Variants in NPHP4 observed in about 807,000 individuals in gnomAD.
The protein encoded by NPHP4 is nephrocystin-4.
NPHP4 carries 151 observed loss-of-function variants against 155.8 expected under a neutral mutation model. That is an observed-to-expected ratio of 0.97 (90% CI 0.85 to 1.11). The LOEUF is 1.11. Among genes scored for constraint, NPHP4 ranks in the 50% least tolerant of loss-of-function variants. The pLI, the probability that NPHP4 is intolerant of heterozygous loss-of-function variation, is 0.00. For missense variants in NPHP4, 1,956 were observed against 1,925.7 expected, an observed-to-expected ratio of 1.02 and a Z score of -0.29; for synonymous variants, 845 against 816.8, an observed-to-expected ratio of 1.03 and a Z score of -0.59.
chr1:5,948,019 C>G (rs911579826), intron 8 of NPHP4, 51 bp downstream of exon 8: 3 of 1,409,782 alleles, frequency 2.1e-6, no homozygotes, highest in Non-Finnish European at 2.0e-6. Context: ...CTCATTTCAT[C>G]GTGATCCCTT....
intron 2 of NPHP4, among the ~76,000 whole-genome samples, chr1:5,981,554 T>C (rs1384710215): frequency 1.3e-5 from 2 of 152,210 alleles, no homozygotes; most frequent in African/African-American, 4.8e-5. Flanking sequence ...AACAAGCATG[T>C]AATATTCTTC....
rs1010352007 is a variant in NPHP4, at chr1:5,947,293, C to T, written c.993-63G>A. 2.0e-5 allele frequency: 31 copies of T among 1,582,772 alleles called. No individual in the cohort carries two copies. In the East Asian group the frequency reaches 3.4e-4, roughly 17 times the overall value. ...CGAGCTCCCATCCTTCCCGCATCCACGTCGACCACTGTCAGAACAGTCAAG... is the reference window on the plus strand; with the variant it reads ...CGAGCTCCCATCCTTCCCGCATCCATGTCGACCACTGTCAGAACAGTCAAG... On this transcript the variant is annotated intron_variant, in intron 8 of 29. Transcript: ENST00000378156.
At chr1:5,946,027 T>C (rs917478840) in intron 9 of NPHP4, among the ~76,000 whole-genome samples, 3 of 152,314 alleles carry the variant, frequency 2.0e-5, no homozygotes, top group South Asian at 2.1e-4. Flanking sequence ...TATATTATAA[T>C]TGTTCTATTT....
chr1:5,907,305 G>A (rs752408670), intron 12 of NPHP4, 83 bp from the exon 13 acceptor site: 16 of 846,720 alleles, frequency 1.9e-5, no homozygotes, highest in Admixed American at 1.7e-4. Context: ...TGGCCACACC[G>A]GGGAACGGGG....
chr1:5,907,425 G>A (rs1644965212), intron 12 of NPHP4, among the ~76,000 whole-genome samples: 1 of 152,236 alleles, frequency 6.6e-6, no homozygotes, highest in African/African-American at 2.4e-5. Flanking sequence ...ACAGAGAGGT[G>A]ATTCCATGAT....
In NPHP4 at chr1:5,882,608, G is replaced by A. The variant is rs1479791608; in HGVS notation, c.2486-2369C>T. 1 of 152,904 alleles carries A rather than the reference G, an allele frequency of 6.5e-6. No individual in the cohort carries two copies. The highest frequency in any genetic ancestry group is 1.5e-5 in the Non-Finnish European group (1 of 68,588). The allele number at this position is 152,904 out of a possible 1,614,324, so 9.5% of individuals were successfully genotyped here. On this transcript the variant is annotated intron_variant, in intron 18 of 29. Coordinates refer to ENST00000378156, the MANE Select transcript of NPHP4 (RefSeq NM_015102.5). This position sits in a 1 kb window ranked among gnomAD's most constrained non-coding sequence, Gnocchi z 5.1. Reference sequence around the variant, plus strand: ...GCCCTACACTGTGCTTCTGCCTTCGGGCTACCAACCGCCTCCTGGCACCTG... The same window carrying A: ...GCCCTACACTGTGCTTCTGCCTTCGAGCTACCAACCGCCTCCTGGCACCTG...
chr1:5,925,709 G>T (rs866583776), intron 11 of NPHP4, among the ~76,000 whole-genome samples: 2 of 152,042 alleles, frequency 1.3e-5, no homozygotes, highest in Non-Finnish European at 2.9e-5. Context: ...TCTGCCTCCT[G>T]GGTTCACGCC....
rs535882062 is a variant in NPHP4 at position 5,900,327 on chromosome 1, G to T, written c.2143+4290C>A. Among the ~76,000 whole-genome samples the T allele has an allele frequency of 2.0e-5, 3 of 152,342 alleles. No homozygotes were observed. In the South Asian group the frequency reaches 6.2e-4, roughly 32 times the overall value. ...ACAACCAAGATGCCCTTCAAGAGGT[G>T]AATGGAAAAACAGGCTGTGGCACAT... On this transcript the variant is annotated intron_variant, in intron 16 of 29. Transcript: ENST00000378156.
At chr1:5,953,353 C>A (rs892166185) in intron 6 of NPHP4, among the ~76,000 whole-genome samples, 3 of 152,212 alleles carry the variant, frequency 2.0e-5, no homozygotes, top group Admixed American at 2.0e-4. Context: ...ATCCGCCTAC[C>A]TCGGCCTCCC....
intron 3 of NPHP4, among the ~76,000 whole-genome samples, chr1:5,973,087 G>C (rs1652883189): frequency 6.6e-6 from 1 of 152,192 alleles, no homozygotes; most frequent in Non-Finnish European, 1.5e-5. Flanking sequence ...GTTTCACCAT[G>C]TTGGCCAGGC....
In NPHP4 at chr1:5,867,953, T is replaced by C. The variant is rs911309256; in HGVS notation, c.3316-57A>G. ...GGCACGAGGCTTGTGAGCAGCTTCT[T>C]GTCCCTCCTTAGACAGCACACGTAT... On this transcript the variant is annotated intron_variant, in intron 23 of 29. Transcript: ENST00000378156. This position sits in a 1 kb window ranked among gnomAD's most constrained non-coding sequence, Gnocchi z 4.1. The C allele has an allele frequency of 3.2e-6, 5 of 1,584,280 alleles. No homozygotes were observed. The highest frequency in any genetic ancestry group is 3.3e-4 in the Middle Eastern group (2 of 6,050).
rs952020441 is a variant in NPHP4, at chr1:5,944,089, T to C, written c.1119+3015A>G. Among the ~76,000 whole-genome samples the C allele has an allele frequency of 6.6e-6, 1 of 152,070 alleles. No homozygotes were observed. The highest frequency in any genetic ancestry group is 6.5e-5 in the Admixed American group (1 of 15,278). ...AAGGTTTACAGATGAAATAAAATGATGCCTGGAATTTGTTTCAGAATAATT... is the reference window on the plus strand; with the variant it reads ...AAGGTTTACAGATGAAATAAAATGACGCCTGGAATTTGTTTCAGAATAATT... On this transcript the variant is annotated intron_variant, in intron 9 of 29. Transcript: ENST00000378156. This position sits in a 1 kb window ranked among gnomAD's most constrained non-coding sequence, Gnocchi z 4.3.
At chr1:5,986,414 T>A in intron 1 of NPHP4, 87 bp from the exon 2 acceptor site, 1 of 1,101,072 alleles carries the variant, frequency 9.1e-7, no homozygotes, top group Non-Finnish European at 1.3e-6. Flanking sequence ...TCCCACTAAA[T>A]CCCAGAGGAA....
chr1:5,911,337 C>T (rs1645169199), intron 11 of NPHP4, among the ~76,000 whole-genome samples: 1 of 152,160 alleles, frequency 6.6e-6, no homozygotes, highest in African/African-American at 2.4e-5. Context: ...GCCGTTCCTC[C>T]GTAAATGGGA....
chr1:5,910,316 G>T lies in NPHP4; in HGVS notation c.1442-1103C>A, dbSNP rs1040253123. ...ATGACAGCCTCCTTCACGGTGACAGGACTCTCCACTGCAGCAGACACTACC... is the reference window on the plus strand; with the variant it reads ...ATGACAGCCTCCTTCACGGTGACAGTACTCTCCACTGCAGCAGACACTACC... On this transcript the variant is annotated intron_variant, in intron 11 of 29. Transcript: ENST00000378156. The surrounding 1 kb of genome is among the most constrained non-coding windows in gnomAD (Gnocchi z 5.4). 1.3e-5 allele frequency among the ~76,000 whole-genome samples: 2 copies of T among 152,066 alleles called. No individual in the cohort carries two copies. Among genetic ancestry groups the T allele is most frequent in the Non-Finnish European group, 2.9e-5 (2 of 68,012 alleles).
chr1:5,971,505 CAAGTCAGCTTTCA>C (rs1367727681), intron 3 of NPHP4, among the ~76,000 whole-genome samples: 1 of 152,184 alleles, frequency 6.6e-6, no homozygotes, highest in Non-Finnish European at 1.5e-5. Flanking sequence ...CTGGAAAACA[CAAGTCAGCTTTCA>C]AGAAGCTCGA....
In NPHP4 at chr1:5,890,500, T is replaced by A. The variant is rs1470958528; in HGVS notation, c.2304+368A>T. On this transcript the variant is annotated intron_variant, in intron 17 of 29. Transcript: ENST00000378156. The surrounding 1 kb of genome is among the most constrained non-coding windows in gnomAD (Gnocchi z 4.9). ...AATCAGGTCACACTGCACACCCCAG[T>A]CATTCGCGTATCCATTCATTCATCC... Among the ~76,000 whole-genome samples the A allele has an allele frequency of 6.6e-6, 1 of 152,150 alleles. No individual in the cohort carries two copies. The highest frequency in any genetic ancestry group is 1.9e-4 in the East Asian group (1 of 5,186).
intron 6 of NPHP4, among the ~76,000 whole-genome samples, chr1:5,961,144 C>T (rs975539935): frequency 6.6e-6 from 1 of 152,172 alleles, no homozygotes; most frequent in East Asian, 1.9e-4. Context: ...TAAAGAATGC[C>T]GGCCACTGAA....
intron 3 of NPHP4, among the ~76,000 whole-genome samples, chr1:5,971,649 G>A (rs1652590452): frequency 6.6e-6 from 1 of 152,174 alleles, no homozygotes; most frequent in South Asian, 2.1e-4. Flanking sequence ...ACCGGTGCCT[G>A]ACCACCCAAT....
Sources: gnomAD v4.1 joint callset for allele counts (sites outside exome capture counted in the v4.1 genomes callset) on GRCh38, gnomAD v4.1.1 for gene constraint, Gnocchi (gnomAD v3.1) non-coding constraint, MANE v1.5 for transcripts, NCBI Gene and HGNC (gene_info 2026-07-23, HGNC 2026-07-21) for gene names.